The following SRRM4 variants were observed in gnomAD, a reference collection of about 807,000 sequenced individuals.
SRRM4 encodes serine/arginine repetitive matrix protein 4.
A neutral mutation model predicts 68.9 loss-of-function variants in SRRM4; 33 were observed. That is an observed-to-expected ratio of 0.48 (90% CI 0.36 to 0.64). The LOEUF is 0.64. Ranked by LOEUF, SRRM4 falls within the 30% of genes least tolerant of loss-of-function variation. SRRM4 has a pLI of 0.00. For missense variants in SRRM4, 817 were observed against 827.1 expected, an observed-to-expected ratio of 0.99 and a Z score of 0.15; for synonymous variants, 318 against 318.8, an observed-to-expected ratio of 1.00 and a Z score of 0.03.
At chr12:119,009,581 C>A (rs1223376486) in intron 1 of SRRM4, among the ~76,000 whole-genome samples, 1 of 152,208 alleles carries the variant, frequency 6.6e-6, no homozygotes, top group Non-Finnish European at 1.5e-5. Context: ...TTGCTTCTTG[C>A]CAGCTGTGTG....
intron 1 of SRRM4, among the ~76,000 whole-genome samples, chr12:119,044,217 C>T (rs1953690038): frequency 6.6e-6 from 1 of 152,216 alleles, no homozygotes; most frequent in Admixed American, 6.5e-5. Flanking sequence ...AGCCACCCTC[C>T]AGGCTATTTT....
rs911464051 is a variant in SRRM4, at chr12:119,015,028, C to T, written c.131+33015C>T. The stretch of plus-strand genomic sequence containing the variant: ...AACAAAAGGGGAATTAATAAATACT[C>T]GATTGTGATCTGCCAATAAGATGGA... On this transcript the variant is annotated intron_variant, in intron 1 of 12. Transcript: ENST00000267260. 3.9e-5 allele frequency among the ~76,000 whole-genome samples: 6 copies of T among 152,050 alleles called. 1 individual carries two copies. In the South Asian group the frequency reaches 1.0e-3, roughly 26 times the overall value.
intron 1 of SRRM4, among the ~76,000 whole-genome samples, chr12:118,990,946 A>G (rs1214208261): frequency 1.3e-5 from 2 of 152,106 alleles, no homozygotes; most frequent in African/African-American, 2.4e-5. Flanking sequence ...AAGCCTCCCA[A>G]GTACCCACCC....
At chr12:119,060,756 A>T (rs1953806901) in intron 1 of SRRM4, among the ~76,000 whole-genome samples, 1 of 152,006 alleles carries the variant, frequency 6.6e-6, no homozygotes, top group African/African-American at 2.4e-5. Context: ...TTTACATTCC[A>T]GGCTTTCCAA....
chr12:119,008,309 C>T lies in SRRM4; in HGVS notation c.131+26296C>T, dbSNP rs557396856. On this transcript the variant is annotated intron_variant, in intron 1 of 12. Coordinates refer to ENST00000267260, the MANE Select transcript of SRRM4 (RefSeq NM_194286.4). ...GGAGACTGAATCCAGGAAATCGAGG[C>T]TACAGTGAACTGAGATTGCACCACT... Among the ~76,000 whole-genome samples the T allele has an allele frequency of 2.6e-5, 4 of 151,026 alleles. No homozygotes were observed. The South Asian group carries it at 8.4e-4, about 32-fold the overall frequency.
chr12:119,153,581 G>C lies in SRRM4; in HGVS notation c.1323G>C (p.Lys441Asn), dbSNP rs1181904154. 1.9e-6 allele frequency: 3 copies of C among 1,577,648 alleles called. No homozygotes were observed. Among genetic ancestry groups the C allele is most frequent in the Non-Finnish European group, 1.7e-6 (2 of 1,162,464 alleles). ...CCAGCTATTCCTCCAAGTCTGGCAA[G>C]AGGAGCCCGCCCAGCAGAAGCTCTA... ...RSPSYSSKSG[K>N]RSPPSRSSRS... The change falls in exon 11 of 13, where the codon AAG (lysine) becomes AAC (asparagine). Residue 441 changes from lysine to asparagine, a missense_variant. Coordinates refer to ENST00000267260, the MANE Select transcript of SRRM4 (RefSeq NM_194286.4).
chr12:119,025,865 T>C (rs1953545428), intron 1 of SRRM4, among the ~76,000 whole-genome samples: 1 of 152,074 alleles, frequency 6.6e-6, no homozygotes, highest in African/African-American at 2.4e-5. Flanking sequence ...GAAAGAAAGA[T>C]TGGGCAAAAG....
chr12:119,130,428 T>TGGAG (rs1565915589), intron 7 of SRRM4, among the ~76,000 whole-genome samples: 2 of 130,690 alleles, frequency 1.5e-5, no homozygotes, highest in East Asian at 2.2e-4. Flanking sequence ...GATGGATGGA[T>TGGAG]GGATGGATGG....
intron 8 of SRRM4, among the ~76,000 whole-genome samples, chr12:119,132,122 C>T (rs1393852412): frequency 6.6e-6 from 1 of 152,208 alleles, no homozygotes; most frequent in Non-Finnish European, 1.5e-5. Context: ...CCCCAGACTC[C>T]TTCTTGGTAG....
intron 8 of SRRM4, among the ~76,000 whole-genome samples, chr12:119,139,156 T>A: frequency 6.6e-6 from 1 of 152,182 alleles, no homozygotes; most frequent in Non-Finnish European, 1.5e-5. Flanking sequence ...ACCATCCTGT[T>A]GTATCAATGT....
chr12:118,988,359 G>A (rs1281953967), intron 1 of SRRM4, among the ~76,000 whole-genome samples: 1 of 152,220 alleles, frequency 6.6e-6, no homozygotes, highest in Non-Finnish European at 1.5e-5. Flanking sequence ...TCTCTGAGGG[G>A]AACATTAACT....
At chr12:119,125,780 G>A (rs1954255122) in intron 7 of SRRM4, among the ~76,000 whole-genome samples, 1 of 151,908 alleles carries the variant, frequency 6.6e-6, no homozygotes, top group Admixed American at 6.6e-5. Context: ...AATTAGCTGG[G>A]CGTAGTGGTG....
At chr12:119,062,059 G>A (rs770400953) in intron 1 of SRRM4, among the ~76,000 whole-genome samples, 1 of 152,184 alleles carries the variant, frequency 6.6e-6, no homozygotes, top group Non-Finnish European at 1.5e-5. Context: ...TCACACCTAG[G>A]CTGTATGGTA....
rs1318238618 is a variant in SRRM4 at position 119,102,316 on chromosome 12, C to T, written c.212C>T (p.Pro71Leu). 1.9e-6 allele frequency: 3 copies of T among 1,613,524 alleles called. No individual in the cohort carries two copies. The highest frequency in any genetic ancestry group is 3.3e-5 in the Admixed American group (2 of 59,974). ...CTGGGTCAGCATCTGGCCACCGAGC[C>T]CTTGGGCACCAACAGTTGGGAGAGA... The part of the protein sequence containing the change: ...EKLGQHLATE[P>L]LGTNSWERDK... Residue 71 changes from proline to leucine, a missense_variant, in exon 2 of 13, where the codon CCC becomes CTC. Pro to Leu is a moderately conservative substitution (Grantham distance 98). Coordinates refer to ENST00000267260, the MANE Select transcript of SRRM4 (RefSeq NM_194286.4).
At chr12:119,017,141 T>C (rs1435496398) in intron 1 of SRRM4, among the ~76,000 whole-genome samples, 1 of 152,192 alleles carries the variant, frequency 6.6e-6, no homozygotes, top group Non-Finnish European at 1.5e-5. Context: ...CTGAGGTTGT[T>C]TTATTCCATT....
intron 1 of SRRM4, among the ~76,000 whole-genome samples, chr12:119,034,467 A>G (rs1477260830): frequency 6.6e-6 from 1 of 152,218 alleles, no homozygotes; most frequent in East Asian, 1.9e-4. Flanking sequence ...TTGTTTGTTC[A>G]GTGTTCAAGA....
At chr12:119,139,656 C>A (rs1292112494) in intron 8 of SRRM4, among the ~76,000 whole-genome samples, 1 of 152,096 alleles carries the variant, frequency 6.6e-6, no homozygotes, top group African/African-American at 2.4e-5. Flanking sequence ...CCAGATATAC[C>A]CGCTAGGGAC....
At chr12:119,022,352 T>C (rs773936731) in intron 1 of SRRM4, among the ~76,000 whole-genome samples, 21 of 152,306 alleles carry the variant, frequency 1.4e-4, no homozygotes, top group Non-Finnish European at 2.8e-4. Context: ...GTCTAGATGC[T>C]AAGGATTCAG....
At chr12:119,139,450 A>T (rs1954351145) in intron 8 of SRRM4, among the ~76,000 whole-genome samples, 1 of 152,170 alleles carries the variant, frequency 6.6e-6, no homozygotes, top group African/African-American at 2.4e-5. Flanking sequence ...AAACTATCTG[A>T]ATATCTCTGA....
Sources: gnomAD v4.1 joint callset for allele counts (sites outside exome capture counted in the v4.1 genomes callset) on GRCh38, gnomAD v4.1.1 for gene constraint, MANE v1.5 for transcripts, NCBI Gene and HGNC (gene_info 2026-07-23, HGNC 2026-07-21) for gene names.